Variants in SLC24A3 observed in about 807,000 individuals in gnomAD.
SLC24A3 encodes sodium/potassium/calcium exchanger 3.
In SLC24A3, 28 loss-of-function variants were observed where a neutral mutation model predicts 75.8. The ratio of observed to expected loss-of-function variants is 0.37; its 90% CI spans 0.27 to 0.51. The LOEUF is 0.51. Ranked by LOEUF, SLC24A3 falls within the 20% of genes least tolerant of loss-of-function variation. The pLI is 0.94. For missense variants in SLC24A3, 663 were observed against 847.8 expected, an observed-to-expected ratio of 0.78 and a Z score of 2.71; for synonymous variants, 372 against 334.1, an observed-to-expected ratio of 1.11 and a Z score of -1.24.
chr20:19,275,081 G>C (rs368187447), intron 1 of SLC24A3, among the ~76,000 whole-genome samples: 33 of 152,336 alleles, frequency 2.2e-4, no homozygotes, highest in African/African-American at 7.9e-4. Context: ...GAGTGCTTCA[G>C]CCAGATGGTT....
At chr20:19,360,608 T>C (rs1374957646) in intron 2 of SLC24A3, among the ~76,000 whole-genome samples, 2 of 152,224 alleles carry the variant, frequency 1.3e-5, no homozygotes, top group African/African-American at 2.4e-5. Flanking sequence ...AATGTCTTGG[T>C]ATCTTAACAT....
At chr20:19,631,987 C>T (rs1824529465) in intron 6 of SLC24A3, among the ~76,000 whole-genome samples, 1 of 152,044 alleles carries the variant, frequency 6.6e-6, no homozygotes, top group Admixed American at 6.6e-5. Flanking sequence ...AGTAACCACA[C>T]ACACCTACAC....
chr20:19,295,815 T>TG (rs201018600), intron 2 of SLC24A3, among the ~76,000 whole-genome samples: 3,188 of 152,266 alleles, frequency 0.021, 45 homozygotes, highest in African/African-American at 0.034. Context: ...TAAGTTTTTT[T>TG]TTTTGTTGTT....
chr20:19,470,086 G>A (rs1285353467), intron 2 of SLC24A3, among the ~76,000 whole-genome samples: 2 of 152,160 alleles, frequency 1.3e-5, no homozygotes, highest in East Asian at 1.9e-4. Context: ...AAGATGCCCT[G>A]CCACCTGTGT....
At chr20:19,416,509 C>G (rs373287098) in intron 2 of SLC24A3, among the ~76,000 whole-genome samples, 8 of 152,190 alleles carry the variant, frequency 5.3e-5, no homozygotes, top group Non-Finnish European at 1.2e-4. Flanking sequence ...AAGGGTCCTT[C>G]TCCCTCACAG....
At chr20:19,221,831 C>T (rs6035256) in intron 1 of SLC24A3, among the ~76,000 whole-genome samples, 11,315 of 152,212 alleles carry the variant, frequency 0.074, 637 homozygotes, top group African/African-American at 0.15. Context: ...ATATGACTGG[C>T]GTGGGTCTGT....
At chr20:19,395,189 G>A (rs1986433243) in intron 2 of SLC24A3, among the ~76,000 whole-genome samples, 1 of 152,174 alleles carries the variant, frequency 6.6e-6, no homozygotes, top group Non-Finnish European at 1.5e-5. Flanking sequence ...ACTGGGGGGA[G>A]AAATAAGGGG....
intron 2 of SLC24A3, among the ~76,000 whole-genome samples, chr20:19,428,402 C>T (rs1987048452): frequency 6.6e-6 from 1 of 152,162 alleles, no homozygotes; most frequent in Non-Finnish European, 1.5e-5. Flanking sequence ...AGGGACTTCT[C>T]AAAAATAAAT....
chr20:19,691,698 C>T (rs2032747206), intron 12 of SLC24A3, among the ~76,000 whole-genome samples: 1 of 152,050 alleles, frequency 6.6e-6, no homozygotes, highest in Admixed American at 6.5e-5. Context: ...CCAGGGTTGG[C>T]TGTGGGGGAT....
intron 10 of SLC24A3, 85 bp downstream of exon 10, chr20:19,682,076 A>T (rs2032621803): frequency 7.0e-7 from 1 of 1,432,020 alleles, no homozygotes; most frequent in Admixed American, 2.0e-5. Flanking sequence ...AACATGGCAA[A>T]TCCCCATCTT....
chr20:19,335,340 C>T (rs910356967), intron 2 of SLC24A3, among the ~76,000 whole-genome samples: 1 of 152,236 alleles, frequency 6.6e-6, no homozygotes, highest in Non-Finnish European at 1.5e-5. Flanking sequence ...TCTCTTAGCC[C>T]ACAGATAGGA....
At chr20:19,552,058 A>G (rs2030705156) in intron 3 of SLC24A3, among the ~76,000 whole-genome samples, 1 of 152,248 alleles carries the variant, frequency 6.6e-6, no homozygotes, top group South Asian at 2.1e-4. Flanking sequence ...CACCTAAAAG[A>G]GTTTAGTTTC....
At chr20:19,391,942 T>C (rs1986373574) in intron 2 of SLC24A3, among the ~76,000 whole-genome samples, 2 of 152,214 alleles carry the variant, frequency 1.3e-5, no homozygotes, top group Admixed American at 1.3e-4. Context: ...TGTCTCCGAA[T>C]CTTGTGCCTG....
At chr20:19,539,997 C>T (rs537013658) in intron 3 of SLC24A3, among the ~76,000 whole-genome samples, 4 of 152,168 alleles carry the variant, frequency 2.6e-5, no homozygotes, top group Non-Finnish European at 4.4e-5. Flanking sequence ...AGTGACCTTT[C>T]GGAATTGTAT....
chr20:19,628,135 C>T (rs998579393), intron 6 of SLC24A3, among the ~76,000 whole-genome samples: 6 of 136,718 alleles, frequency 4.4e-5, no homozygotes, highest in African/African-American at 8.4e-5. Flanking sequence ...ACCCAGGAGG[C>T]GGAGGTTGCA....
chr20:19,629,986 A>G (rs1050668902), intron 6 of SLC24A3, among the ~76,000 whole-genome samples: 4 of 152,262 alleles, frequency 2.6e-5, no homozygotes, highest in African/African-American at 9.6e-5. Context: ...AGGTAAATAC[A>G]TACACAAGTA....
intron 2 of SLC24A3, among the ~76,000 whole-genome samples, chr20:19,356,706 A>C (rs1985690230): frequency 1.3e-5 from 2 of 152,150 alleles, no homozygotes; most frequent in African/African-American, 4.8e-5. Flanking sequence ...CTGGGGAATA[A>C]GGTATGTGCA....
At chr20:19,321,919 A>C (rs891511779) in intron 2 of SLC24A3, among the ~76,000 whole-genome samples, 23 of 152,260 alleles carry the variant, frequency 1.5e-4, no homozygotes, top group African/African-American at 5.5e-4. Flanking sequence ...AGCCACTGAC[A>C]TTTGGATGCA....
chr20:19,262,959 C>T (rs183107312), intron 1 of SLC24A3, among the ~76,000 whole-genome samples: 3 of 151,710 alleles, frequency 2.0e-5, no homozygotes, highest in Admixed American at 1.3e-4. Flanking sequence ...ATGGAGTGAC[C>T]GTATGGGATT....
Sources: gnomAD v4.1 joint callset for allele counts (sites outside exome capture counted in the v4.1 genomes callset) on GRCh38, gnomAD v4.1.1 for gene constraint, MANE v1.5 for transcripts, NCBI Gene and HGNC (gene_info 2026-07-23, HGNC 2026-07-21) for gene names.